DYNC2H1: variants seen among roughly 807,000 people sequenced by gnomAD.
DYNC2H1 encodes the protein dynein cytoplasmic 2 heavy chain 1.
Under a neutral mutation model 570.0 loss-of-function variants are expected in DYNC2H1, and 410 were observed. The observed-to-expected ratio is 0.72, with a 90% CI of 0.66 to 0.78. The LOEUF (loss-of-function observed/expected upper bound fraction) is 0.78, where lower values mean the gene tolerates loss of function less well. Among genes scored for constraint, DYNC2H1 ranks in the 30% least tolerant of loss-of-function variants. The pLI, the probability that DYNC2H1 is intolerant of heterozygous loss-of-function variation, is 0.00. For synonymous variants in DYNC2H1, 1,688 were observed against 1,677.6 expected (o/e 1.01, Z -0.15); for missense variants, 4,865 against 5,046.4 (o/e 0.96, Z 1.09).
At chr11:103,176,174 TA>T in intron 36 of DYNC2H1, 60 bp from the exon 37 acceptor site, 2 of 1,321,070 alleles carry the variant, frequency 1.5e-6, no homozygotes, top group Non-Finnish European at 2.0e-6. Flanking sequence ...ATAGAATATT[TA>T]AAAACTTTTT....
At position 103,305,532 on chromosome 11, in the gene DYNC2H1, G is replaced by T. The variant is rs7930971; in HGVS notation, c.11382+812G>T. On this transcript the variant is annotated intron_variant, in intron 77 of 88. Transcript: ENST00000375735. The surrounding 1 kb of genome is among the most constrained non-coding windows in gnomAD (Gnocchi z 4.3). ...GGAATTTTTGTCCTGGGACTTAGAG[G>T]GCCAAAGGAGGTCCTTAACAGAGAA... 2.6e-5 allele frequency among the ~76,000 whole-genome samples: 4 copies of T among 151,910 alleles called. No homozygotes were observed. The highest frequency in any genetic ancestry group is 9.7e-5 in the African/African-American group (4 of 41,332).
rs1316556831 is a variant in DYNC2H1, at chr11:103,151,377, G to T, written c.2947-759G>T. On this transcript the variant is annotated intron_variant, in intron 20 of 88. Coordinates refer to ENST00000375735, the MANE Select transcript of DYNC2H1 (RefSeq NM_001377.3). This position sits in a 1 kb window ranked among gnomAD's most constrained non-coding sequence, Gnocchi z 4.6. The stretch of plus-strand genomic sequence containing the variant: ...TAGGATTACAGGTGTGAGCTGCCAG[G>T]CCTGCCCAATTCAGTTATATTTGAA... 6.6e-6 allele frequency among the ~76,000 whole-genome samples: 1 copy of T among 152,082 alleles called. No homozygotes were observed. Among genetic ancestry groups the T allele is most frequent in the Non-Finnish European group, 1.5e-5 (1 of 68,026 alleles).
chr11:103,399,698 T>G lies in DYNC2H1; in HGVS notation c.12192T>G (p.Pro4064=), dbSNP rs1381453107. 14 of 1,613,598 alleles carry G rather than the reference T, an allele frequency of 8.7e-6. No homozygotes were observed. Among genetic ancestry groups the G allele is most frequent in the Non-Finnish European group, 2.5e-6 (3 of 1,179,774 alleles). Residue 4064 remains proline (P), a synonymous_variant, in exon 84 of 89, where the codon CCT becomes CCG. Transcript: ENST00000375735. ...TAATACATCAGAAAGTGCCTCCTCCTAACGATCGACAAGGATCTCCAATAC... is the reference window on the plus strand; with the variant it reads ...TAATACATCAGAAAGTGCCTCCTCCGAACGATCGACAAGGATCTCCAATAC... ...SNLIHQKVPP[P]NDRQGSPILS...
At chr11:103,253,961 CAT>C (rs1254983982) in intron 66 of DYNC2H1, among the ~76,000 whole-genome samples, 5 of 152,066 alleles carry the variant, frequency 3.3e-5, no homozygotes, top group East Asian at 1.9e-4. Flanking sequence ...TCCATACTCA[CAT>C]GTTTCCTAAC....
At chr11:103,335,950 A>G (rs1056822174) in intron 82 of DYNC2H1, among the ~76,000 whole-genome samples, 3 of 152,154 alleles carry the variant, frequency 2.0e-5, no homozygotes, top group Non-Finnish European at 2.9e-5. Context: ...AAGTTACTAA[A>G]CTAGAACTTA....
intron 1 of DYNC2H1, among the ~76,000 whole-genome samples, chr11:103,111,449 A>T (rs1858108364): frequency 6.6e-6 from 1 of 152,192 alleles, no homozygotes; most frequent in African/African-American, 2.4e-5. Context: ...TTACAACCTA[A>T]ATGTTAACTT....
chr11:103,460,300 A>T (rs1754493153), intron 87 of DYNC2H1, among the ~76,000 whole-genome samples: 1 of 141,386 alleles, frequency 7.1e-6, no homozygotes, highest in South Asian at 2.3e-4. Flanking sequence ...TGAACCATGC[A>T]TGTAATTATA....
chr11:103,410,033 C>T (rs1486503357), intron 84 of DYNC2H1, among the ~76,000 whole-genome samples: 1 of 151,978 alleles, frequency 6.6e-6, no homozygotes, highest in African/African-American at 2.4e-5. Context: ...TGAGAGTTGG[C>T]TCAAAGTGAT....
intron 88 of DYNC2H1, among the ~76,000 whole-genome samples, chr11:103,474,823 A>T (rs1407492679): frequency 3.3e-5 from 5 of 152,218 alleles, no homozygotes; most frequent in African/African-American, 1.2e-4. Context: ...AGTCTCAGGC[A>T]TCCATTGGGG....
chr11:103,172,982 T>C, intron 34 of DYNC2H1, 100 bp from the exon 35 acceptor site: 1 of 575,158 alleles, frequency 1.7e-6, no homozygotes, highest in Non-Finnish European at 2.4e-6. Context: ...GTTGGCAGCA[T>C]ATTTTATGTT....
intron 55 of DYNC2H1, among the ~76,000 whole-genome samples, chr11:103,218,023 A>C (rs1430866744): frequency 6.6e-6 from 1 of 152,216 alleles, no homozygotes; most frequent in Non-Finnish European, 1.5e-5. Context: ...ATGCTGCTAC[A>C]TATCCACTAG....
rs770482347 is a variant in DYNC2H1 at position 103,187,367 on chromosome 11, A to G, written c.6921A>G (p.Gln2307=). Residue 2307 remains glutamine, a synonymous_variant, in exon 43 of 89, where the codon CAA becomes CAG. Coordinates refer to ENST00000375735, the MANE Select transcript of DYNC2H1 (RefSeq NM_001377.3). The stretch of plus-strand genomic sequence containing the variant: ...TGCTGCTCAGGTACGCATTTTCACA[A>G]CTCCGGTCCACTCAAATTGCTACAG... ...KGMLLRYAFS[Q]LRSTQIATVH... 1 of 1,612,824 alleles carries G rather than the reference A, an allele frequency of 6.2e-7. No homozygotes were observed. Among genetic ancestry groups the G allele is most frequent in the East Asian group, 2.2e-5 (1 of 44,834 alleles).
chr11:103,397,659 C>T (rs1430691809), intron 83 of DYNC2H1, among the ~76,000 whole-genome samples: 1 of 152,104 alleles, frequency 6.6e-6, no homozygotes, highest in Admixed American at 6.6e-5. Flanking sequence ...TTTTGGGAGG[C>T]CAAGACAGGT....
intron 87 of DYNC2H1, among the ~76,000 whole-genome samples, 185 bp downstream of exon 87, chr11:103,456,541 CTCT>C (rs1944795920): frequency 1.3e-5 from 2 of 152,148 alleles, no homozygotes; most frequent in Non-Finnish European, 2.9e-5. Flanking sequence ...AAAATACAGA[CTCT>C]TCTTATGCAA....
chr11:103,377,320 C>T (rs1380837799), intron 83 of DYNC2H1, among the ~76,000 whole-genome samples: 1 of 152,018 alleles, frequency 6.6e-6, no homozygotes, highest in Non-Finnish European at 1.5e-5. Flanking sequence ...CTTATTTTTT[C>T]CCCCTTGGAC....
intron 85 of DYNC2H1, among the ~76,000 whole-genome samples, chr11:103,438,086 C>A (rs143491724): frequency 3.9e-4 from 59 of 152,134 alleles, no homozygotes; most frequent in Non-Finnish European, 7.5e-4. Flanking sequence ...CCCTCCTAAC[C>A]CTCAAGATAA....
At chr11:103,335,841 A>C (rs1175357825) in intron 82 of DYNC2H1, among the ~76,000 whole-genome samples, 4 of 152,144 alleles carry the variant, frequency 2.6e-5, no homozygotes, top group Non-Finnish European at 5.9e-5. Context: ...TATCTCACTT[A>C]ACTCTCAGAA....
At position 103,419,561 on chromosome 11, in the gene DYNC2H1, A is replaced by G. The variant is rs142885499; in HGVS notation, c.12367-16382A>G. On this transcript the variant is annotated intron_variant, in intron 84 of 88. Coordinates refer to ENST00000375735, the MANE Select transcript of DYNC2H1 (RefSeq NM_001377.3). ...AGCAGCCTTGTGGAAGGGTGGCCTG[A>G]CTGGTTAAAAAAAAAAAAACCACAC... 2.8e-3 allele frequency among the ~76,000 whole-genome samples: 421 copies of G among 151,826 alleles called. 1 individual carries two copies. The highest frequency in any genetic ancestry group is 9.7e-3 in the African/African-American group (402 of 41,436).
intron 87 of DYNC2H1, among the ~76,000 whole-genome samples, chr11:103,462,863 T>G (rs1945065500): frequency 6.6e-6 from 1 of 152,154 alleles, no homozygotes; most frequent in Non-Finnish European, 1.5e-5. Flanking sequence ...TATCTTTCTT[T>G]TTGCTTTTAT....
Sources: allele counts gnomAD v4.1 joint callset (sites outside exome capture counted in the v4.1 genomes callset), GRCh38; gene constraint gnomAD v4.1.1; non-coding constraint Gnocchi (gnomAD v3.1); transcripts MANE v1.5; gene names NCBI Gene and HGNC (gene_info 2026-07-23, HGNC 2026-07-21).